Variants in INPP4B observed in about 807,000 individuals in gnomAD.
INPP4B encodes the protein inositol polyphosphate-4-phosphatase type II B, also known as inositol polyphosphate 4-phosphatase type II.
In INPP4B, 55 loss-of-function variants were observed where a neutral mutation model predicts 122.5. The observed-to-expected ratio is 0.45, with a 90% CI of 0.36 to 0.56. The LOEUF is 0.56. Ranked by LOEUF, INPP4B falls within the 20% of genes least tolerant of loss-of-function variation. The pLI is 0.00. For synonymous variants in INPP4B, 403 were observed against 388.7 expected, an observed-to-expected ratio of 1.04 and a Z score of -0.43; for missense variants, 1,000 against 1,097.7, an observed-to-expected ratio of 0.91 and a Z score of 1.26.
chr4:142,649,704 T>C (rs1752533801), intron 2 of INPP4B, among the ~76,000 whole-genome samples: 1 of 152,006 alleles, frequency 6.6e-6, no homozygotes, highest in South Asian at 2.1e-4. Context: ...CTCCAAGAAA[T>C]ACAGGACTAT....
chr4:142,203,873 C>T (rs1579277393), intron 14 of INPP4B, among the ~76,000 whole-genome samples: 1 of 152,166 alleles, frequency 6.6e-6, no homozygotes, highest in South Asian at 2.1e-4. Context: ...ATCCAAATAA[C>T]TTGCCAGTAA....
chr4:142,195,087 C>T (rs1434410597), intron 14 of INPP4B, among the ~76,000 whole-genome samples: 1 of 152,192 alleles, frequency 6.6e-6, no homozygotes, highest in Non-Finnish European at 1.5e-5. Flanking sequence ...CAACAATATA[C>T]AGAATGACTA....
intron 7 of INPP4B, among the ~76,000 whole-genome samples, chr4:142,394,367 G>A (rs866254536): frequency 3.3e-5 from 5 of 152,020 alleles, no homozygotes; most frequent in African/African-American, 7.2e-5. Flanking sequence ...GGATGGTCTC[G>A]ATCTCCTGAC....
intron 8 of INPP4B, among the ~76,000 whole-genome samples, chr4:142,313,389 C>G (rs10013303): frequency 0.15 from 22,312 of 152,094 alleles, 2,242 homozygotes; most frequent in African/African-American, 0.28. Context: ...CATATTAATA[C>G]TTTAAAAAGT....
chr4:142,832,953 C>T (rs1365529306), intron 1 of INPP4B, among the ~76,000 whole-genome samples: 3 of 152,086 alleles, frequency 2.0e-5, no homozygotes, highest in African/African-American at 4.8e-5. Context: ...TATGTTGCTT[C>T]CCTTTTGCTG....
chr4:142,826,216 A>T (rs1781439359), intron 1 of INPP4B, among the ~76,000 whole-genome samples: 1 of 152,112 alleles, frequency 6.6e-6, no homozygotes, highest in Non-Finnish European at 1.5e-5. Flanking sequence ...TTTCCCCAGA[A>T]TTCAGCTGGT....
At chr4:142,074,532 C>T (rs972724085) in intron 25 of INPP4B, among the ~76,000 whole-genome samples, 2 of 152,044 alleles carry the variant, frequency 1.3e-5, no homozygotes, top group Admixed American at 1.3e-4. Flanking sequence ...TGCCTTACCA[C>T]CCATTATACC....
chr4:142,793,723 G>GA (rs1288199308), intron 1 of INPP4B, among the ~76,000 whole-genome samples: 1 of 151,826 alleles, frequency 6.6e-6, no homozygotes, highest in East Asian at 1.9e-4. Flanking sequence ...AAGGGTTACT[G>GA]AAAACAAAAC....
intron 25 of INPP4B, among the ~76,000 whole-genome samples, chr4:142,079,218 T>C (rs1772501405): frequency 6.6e-6 from 1 of 152,020 alleles, no homozygotes; most frequent in Non-Finnish European, 1.5e-5. Context: ...AGTGCTGAAG[T>C]CTGGGCTTTC....
chr4:142,334,468 C>G lies in INPP4B; in HGVS notation c.373-19706G>C, dbSNP rs139627163. On this transcript the variant is annotated intron_variant, in intron 7 of 25. Transcript: ENST00000262992. Reference sequence around the variant, plus strand: ...GACTTTGTTCCCTTTGGATATATACCCAGAAGTGGAATTGCTGGGTCATAT... The same window carrying G: ...GACTTTGTTCCCTTTGGATATATACGCAGAAGTGGAATTGCTGGGTCATAT... Among the ~76,000 whole-genome samples, 652 of 152,158 alleles carry G rather than the reference C, an allele frequency of 4.3e-3. 7 individuals are homozygous for G. Among genetic ancestry groups the G allele is most frequent in the African/African-American group, 0.015 (609 of 41,522 alleles).
intron 2 of INPP4B, among the ~76,000 whole-genome samples, chr4:142,642,096 C>T (rs532832657): frequency 2.1e-4 from 32 of 152,214 alleles, no homozygotes; most frequent in Non-Finnish European, 3.8e-4. Flanking sequence ...TATCCTTCGC[C>T]CACTTGTTGA....
At chr4:142,139,070 A>T (rs1806299415) in intron 18 of INPP4B, among the ~76,000 whole-genome samples, 1 of 152,150 alleles carries the variant, frequency 6.6e-6, no homozygotes, top group South Asian at 2.1e-4. Flanking sequence ...CACTAGGTAT[A>T]TCCCTTCAAA....
chr4:142,358,104 G>A (rs1784214359), intron 7 of INPP4B, among the ~76,000 whole-genome samples: 1 of 151,922 alleles, frequency 6.6e-6, no homozygotes, highest in Admixed American at 6.6e-5. Context: ...CTTTAACAGT[G>A]TGAACATACA....
In INPP4B at chr4:142,252,228, G is replaced by A. The variant is rs527380429; in HGVS notation, c.688+8264C>T. On this transcript the variant is annotated intron_variant, in intron 11 of 25. Transcript: ENST00000262992. ...TTTTGAGACGGAGTCTCGCTCTGTC[G>A]CCCAGGCTGGAGTGCAGTGGCGCGA... 6.8e-5 allele frequency among the ~76,000 whole-genome samples: 9 copies of A among 132,192 alleles called. No individual in the cohort carries two copies. The South Asian group carries it at 9.7e-4, about 14-fold the overall frequency. 86.7% of individuals were successfully genotyped at this position (132,192 alleles called of 152,430 possible).
chr4:142,384,081 A>G (rs1355615720), intron 7 of INPP4B: 13 of 701,982 alleles, frequency 1.9e-5, no homozygotes, highest in African/African-American at 3.5e-5. Flanking sequence ...GGACCTCAAG[A>G]TCCACTTATA....
intron 1 of INPP4B, among the ~76,000 whole-genome samples, chr4:142,837,806 T>A (rs1182233383): frequency 6.6e-6 from 1 of 152,128 alleles, no homozygotes; most frequent in African/African-American, 2.4e-5. Flanking sequence ...TTATCCAGCA[T>A]ATCACATTTA....
chr4:142,796,024 T>G (rs1006847340), intron 1 of INPP4B, among the ~76,000 whole-genome samples: 3 of 152,000 alleles, frequency 2.0e-5, no homozygotes, highest in African/African-American at 7.2e-5. Flanking sequence ...TCATTGCATT[T>G]TACATCCATT....
chr4:142,794,588 T>TA (rs1283679532), intron 1 of INPP4B, among the ~76,000 whole-genome samples: 4 of 151,920 alleles, frequency 2.6e-5, no homozygotes, highest in African/African-American at 9.7e-5. Flanking sequence ...TTCTTAAACA[T>TA]AAAAAGCCCA....
chr4:142,101,085 A>G (rs1784273414), intron 23 of INPP4B, among the ~76,000 whole-genome samples: 1 of 152,080 alleles, frequency 6.6e-6, no homozygotes, highest in African/African-American at 2.4e-5. Flanking sequence ...GCTCAAGATA[A>G]GTGACAGTTT....
Sources: gnomAD v4.1 joint callset for allele counts (sites outside exome capture counted in the v4.1 genomes callset) on GRCh38, gnomAD v4.1.1 for gene constraint, MANE v1.5 for transcripts, NCBI Gene and HGNC (gene_info 2026-07-23, HGNC 2026-07-21) for gene names.